NRXN1: variants seen among roughly 807,000 people sequenced by gnomAD.
NRXN1 encodes the protein neurexin-1.
NRXN1 carries 39 observed loss-of-function variants against 150.9 expected under a neutral mutation model. The observed-to-expected ratio is 0.26, with a 90% CI of 0.20 to 0.34. NRXN1 has a LOEUF of 0.34. Ranked by LOEUF, NRXN1 falls within the 10% of genes least tolerant of loss-of-function variation. The probability of loss-of-function intolerance (pLI) is 1.00; values close to 1 mark genes in which losing one functional copy is unlikely to be tolerated. For missense variants in NRXN1, 1,815 were observed against 1,949.9 expected (o/e 0.93, Z 1.30); for synonymous variants, 924 against 757.0 (o/e 1.22, Z -3.62).
intron 5 of NRXN1, among the ~76,000 whole-genome samples, chr2:50,673,136 A>T (rs1689086331): frequency 6.6e-6 from 1 of 152,112 alleles, no homozygotes; most frequent in Non-Finnish European, 1.5e-5. Context: ...AGTAGTTTAG[A>T]GAAGATGCCA....
chr2:50,875,690 G>A (rs999035070), intron 5 of NRXN1, among the ~76,000 whole-genome samples: 1 of 151,726 alleles, frequency 6.6e-6, no homozygotes, highest in African/African-American at 2.4e-5. Context: ...GGTAAGCAGA[G>A]ACCAACAGAA....
At chr2:50,610,638 GATACATATATATAT>G (rs1324761305) in intron 8 of NRXN1, among the ~76,000 whole-genome samples, 2 of 29,552 alleles carry the variant, frequency 6.8e-5, no homozygotes, top group East Asian at 2.3e-3. Flanking sequence ...ACTATAAATA[GATACATATATATAT>G]ATATATATAT....
chr2:50,816,137 A>G (rs1668896874), intron 5 of NRXN1, among the ~76,000 whole-genome samples: 1 of 152,144 alleles, frequency 6.6e-6, no homozygotes, highest in Non-Finnish European at 1.5e-5. Flanking sequence ...CCAGAGCCCT[A>G]TGGTTTTCTC....
At chr2:50,351,420 A>T (rs921921402) in intron 17 of NRXN1, among the ~76,000 whole-genome samples, 1 of 152,180 alleles carries the variant, frequency 6.6e-6, no homozygotes, top group African/African-American at 2.4e-5. Context: ...GGCTGTGCTC[A>T]TTAGTTATAA....
intron 17 of NRXN1, among the ~76,000 whole-genome samples, chr2:50,352,312 C>A (rs548945935): frequency 6.6e-6 from 1 of 152,050 alleles, no homozygotes; most frequent in Non-Finnish European, 1.5e-5. Context: ...CTTCATATTA[C>A]AAAAATCAAC....
chr2:50,358,410 A>T (rs2078970541), intron 17 of NRXN1, among the ~76,000 whole-genome samples: 1 of 152,144 alleles, frequency 6.6e-6, no homozygotes, highest in African/African-American at 2.4e-5. Flanking sequence ...GACGTCCACC[A>T]TTACTGAGGC....
intron 17 of NRXN1, among the ~76,000 whole-genome samples, chr2:50,348,580 T>A (rs1195449864): frequency 6.6e-6 from 1 of 152,194 alleles, no homozygotes; most frequent in East Asian, 1.9e-4. Flanking sequence ...AATTCCTAAA[T>A]CTAGTGCCCC....
At chr2:50,502,529 C>T (rs2092002873) in intron 13 of NRXN1, among the ~76,000 whole-genome samples, 1 of 152,044 alleles carries the variant, frequency 6.6e-6, no homozygotes, top group South Asian at 2.1e-4. Flanking sequence ...TCAAATCCTC[C>T]TTAGCTCTGA....
chr2:50,085,457 T>A (rs867956282), intron 19 of NRXN1, among the ~76,000 whole-genome samples: 1 of 152,148 alleles, frequency 6.6e-6, no homozygotes, highest in Non-Finnish European at 1.5e-5. Context: ...CCCATATCTA[T>A]ACATTTAATG....
At chr2:50,330,574 C>A (rs562717807) in intron 17 of NRXN1, among the ~76,000 whole-genome samples, 1 of 152,100 alleles carries the variant, frequency 6.6e-6, no homozygotes, top group Non-Finnish European at 1.5e-5. Context: ...TTAAAAAAAT[C>A]CCCACAGTAG....
intron 19 of NRXN1, among the ~76,000 whole-genome samples, chr2:50,072,514 A>C (rs1477427230): frequency 6.9e-6 from 1 of 145,970 alleles, no homozygotes; most frequent in African/African-American, 2.5e-5. Flanking sequence ...TATCCTTAGG[A>C]ACTGCCTAAG....
At position 50,428,020 on chromosome 2, in the gene NRXN1, T is replaced by C. The variant is rs73934110; in HGVS notation, c.3364+37422A>G. ...GGTCAGACTCACTTTCATTTTCCTC[T>C]TCTTTATAGGCAATCTTCTGATGCT... On this transcript the variant is annotated intron_variant, in intron 17 of 22. Coordinates refer to ENST00000401669, the MANE Select transcript of NRXN1 (RefSeq NM_001330078.2). 6.9e-3 allele frequency among the ~76,000 whole-genome samples: 1,047 copies of C among 152,302 alleles called. 14 individuals are homozygous for C. Among genetic ancestry groups the C allele is most frequent in the African/African-American group, 0.024 (1,002 of 41,572 alleles).
At chr2:50,007,097 C>A (rs1471449916) in intron 21 of NRXN1, among the ~76,000 whole-genome samples, 1 of 152,034 alleles carries the variant, frequency 6.6e-6, no homozygotes, top group Non-Finnish European at 1.5e-5. Flanking sequence ...AATCCTGATA[C>A]CTTGGGAGGC....
At chr2:50,611,601 C>T (rs543671233) in intron 8 of NRXN1, among the ~76,000 whole-genome samples, 2 of 152,154 alleles carry the variant, frequency 1.3e-5, no homozygotes, top group Non-Finnish European at 2.9e-5. Flanking sequence ...CTACAATGCA[C>T]AGAAGTGAAC....
chr2:50,129,368 T>G (rs949212747), intron 18 of NRXN1, among the ~76,000 whole-genome samples: 18 of 152,334 alleles, frequency 1.2e-4, no homozygotes, highest in African/African-American at 4.3e-4. Flanking sequence ...AGCAAGATGC[T>G]GAGAAGTCTA....
intron 2 of NRXN1, among the ~76,000 whole-genome samples, chr2:50,981,720 G>C (rs1696848671): frequency 6.6e-6 from 1 of 151,816 alleles, no homozygotes; most frequent in African/African-American, 2.4e-5. Flanking sequence ...AAAATGAAAT[G>C]ATAACCACCA....
chr2:50,204,357 TGTGTGTG>T (rs2062411140), intron 18 of NRXN1, among the ~76,000 whole-genome samples: 1 of 151,710 alleles, frequency 6.6e-6, no homozygotes, highest in African/African-American at 2.4e-5. Flanking sequence ...TGTGTGTGTG[TGTGTGTG>T]TGTGTGTGTA....
intron 21 of NRXN1, among the ~76,000 whole-genome samples, chr2:49,964,003 A>C (rs1393893202): frequency 6.6e-6 from 1 of 152,178 alleles, no homozygotes; most frequent in Non-Finnish European, 1.5e-5. Flanking sequence ...ACACCTCACA[A>C]CACCTCACCC....
rs993814364 is a variant in NRXN1 at position 50,964,896 on chromosome 2, T to C, written c.773-38941A>G. Among the ~76,000 whole-genome samples the C allele has an allele frequency of 3.3e-5, 5 of 151,568 alleles. No homozygotes were observed. The East Asian group carries it at 5.8e-4, about 18-fold the overall frequency. ...CTTTTTAAATCAGGGGAGTGAAATA[T>C]GAAAGTAGGCAACATACTCTGGAAT... On this transcript the variant is annotated intron_variant, in intron 2 of 22. Coordinates refer to ENST00000401669, the MANE Select transcript of NRXN1 (RefSeq NM_001330078.2).
Sources: gnomAD v4.1 joint callset for allele counts (sites outside exome capture counted in the v4.1 genomes callset) on GRCh38, gnomAD v4.1.1 for gene constraint, MANE v1.5 for transcripts, NCBI Gene and HGNC (gene_info 2026-07-23, HGNC 2026-07-21) for gene names.